CRIPTO: variants seen among roughly 807,000 people sequenced by gnomAD.
CRIPTO encodes the protein protein Cripto.
chr3:46,575,683 G>C, the CRIPTO span, among the ~76,000 whole-genome samples: 1 of 152,158 alleles, frequency 6.6e-6, no homozygotes, highest in Non-Finnish European at 1.5e-5. Flanking sequence ...TTTAGATAAG[G>C]AAATAGCAAC....
the CRIPTO span, chr3:46,577,122 C>G: frequency 1.3e-5 from 2 of 152,520 alleles, no homozygotes; most frequent in Non-Finnish European, 2.9e-5. Flanking sequence ...CTGGCCGCCC[C>G]TCCCCTCTCC....
the CRIPTO span, chr3:46,579,604 A>C: frequency 8.1e-7 from 1 of 1,238,982 alleles, no homozygotes. Context: ...CTATGCATGA[A>C]AATGACTTCT....
At chr3:46,575,693 C>T in the CRIPTO span, among the ~76,000 whole-genome samples, 6 of 152,148 alleles carry the variant, frequency 3.9e-5, no homozygotes, top group South Asian at 2.1e-4. Context: ...GAAATAGCAA[C>T]GCAGGGGTGT....
the CRIPTO span, chr3:46,580,076 CCT>C: frequency 1.3e-5 from 21 of 1,614,036 alleles, no homozygotes; most frequent in East Asian, 3.3e-4. Context: ...CGGAGGTTCT[CCT>C]CTTTCTTTTG....
chr3:46,582,028 T>C, the CRIPTO span: 8 of 152,264 alleles, frequency 5.3e-5, no homozygotes, highest in Non-Finnish European at 1.0e-4. Context: ...TGGAAGTCCA[T>C]CTGCGTGTGT....
chr3:46,579,161 T>C, the CRIPTO span: 1 of 1,614,230 alleles, frequency 6.2e-7, no homozygotes, highest in South Asian at 1.1e-5. Flanking sequence ...AGAGACCTTT[T>C]GTTCTTTTGA....
the CRIPTO span, chr3:46,579,518 G>A: frequency 7.2e-7 from 1 of 1,382,898 alleles, no homozygotes; most frequent in Non-Finnish European, 1.0e-6. Flanking sequence ...CAAGGATTGT[G>A]TATTTTACTT....
At chr3:46,576,972 G>A in the CRIPTO span, among the ~76,000 whole-genome samples, 1 of 152,098 alleles carries the variant, frequency 6.6e-6, no homozygotes, top group Non-Finnish European at 1.5e-5. Context: ...GGAAGAGGCC[G>A]CCCTGTGGGA....
chr3:46,579,541 GTTTTC>G, the CRIPTO span: 2 of 1,273,824 alleles, frequency 1.6e-6, no homozygotes, highest in Non-Finnish European at 2.2e-6. Context: ...CTAGAGTGCA[GTTTTC>G]CTCCCCTGAG....
the CRIPTO span, among the ~76,000 whole-genome samples, chr3:46,578,366 CAAAAA>C: frequency 1.4e-5 from 2 of 138,252 alleles, no homozygotes; most frequent in African/African-American, 5.4e-5. Flanking sequence ...AAGATAATAG[CAAAAA>C]AAAAAAAAAA....
At chr3:46,581,265 T>C in the CRIPTO span, 1 of 1,583,336 alleles carries the variant, frequency 6.3e-7, no homozygotes, top group Non-Finnish European at 8.7e-7. Context: ...CATTGACCTA[T>C]TTCCAGAAAT....
the CRIPTO span, chr3:46,579,477 T>C: frequency 1.3e-6 from 2 of 1,571,368 alleles, no homozygotes; most frequent in Non-Finnish European, 1.7e-6. Context: ...ACTGTGCAGG[T>C]GCTGGACTGC....
chr3:46,580,125 A>T, the CRIPTO span: 1 of 1,607,222 alleles, frequency 6.2e-7, no homozygotes. Context: ...GGGGGTGCTT[A>T]GTTAGCAGGC....
the CRIPTO span, among the ~76,000 whole-genome samples, chr3:46,576,346 T>C: frequency 6.6e-6 from 1 of 151,720 alleles, no homozygotes; most frequent in Non-Finnish European, 1.5e-5. Context: ...CGGGCGCCTG[T>C]AATCCCAGCT....
At chr3:46,581,732 C>T in the CRIPTO span, 3 of 382,432 alleles carry the variant, frequency 7.8e-6, no homozygotes, top group African/African-American at 4.2e-5. Context: ...AGTCTGGTCT[C>T]GAACTCCTGA....
chr3:46,580,115 G>T, the CRIPTO span: 9 of 1,612,584 alleles, frequency 5.6e-6, no homozygotes, highest in Admixed American at 3.3e-5. Context: ...AGTTGCCTTG[G>T]GGGGTGCTTA....
chr3:46,577,771 A>C, the CRIPTO span: 2 of 636,356 alleles, frequency 3.1e-6, no homozygotes, highest in South Asian at 3.7e-5. Context: ...CAAAACGTCC[A>C]AGGCCGAAAG....
the CRIPTO span, chr3:46,579,469 T>C: frequency 3.2e-6 from 5 of 1,584,726 alleles, no homozygotes; most frequent in Non-Finnish European, 4.3e-6. Context: ...GTTCTGGAAC[T>C]GTGCAGGTGC....
At chr3:46,578,977 C>G in the CRIPTO span, 2 of 1,183,588 alleles carry the variant, frequency 1.7e-6, no homozygotes, top group African/African-American at 3.0e-5. Flanking sequence ...AGATGGTGCT[C>G]TACAATTTCT....
Sources: allele counts gnomAD v4.1 joint callset (sites outside exome capture counted in the v4.1 genomes callset), GRCh38; gene constraint gnomAD v4.1.1; transcripts MANE v1.5; gene names NCBI Gene and HGNC (gene_info 2026-07-23, HGNC 2026-07-21).